Variants in PEAK1 observed in about 807,000 individuals in gnomAD.
PEAK1 encodes the protein pseudopodium enriched atypical kinase 1.
PEAK1 carries 54 observed loss-of-function variants against 124.7 expected under a neutral mutation model. That is an observed-to-expected ratio of 0.43 (90% CI 0.35 to 0.54). The LOEUF is 0.54. PEAK1 is among the 20% of genes least tolerant of loss of function. PEAK1 has a pLI of 0.01. For synonymous variants in PEAK1, 719 were observed against 760.0 expected, an observed-to-expected ratio of 0.95 and a Z score of 0.89; for missense variants, 2,046 against 2,134.5, an observed-to-expected ratio of 0.96 and a Z score of 0.82.
intron 6 of PEAK1, among the ~76,000 whole-genome samples, chr15:77,219,588 G>A (rs908978454): frequency 6.6e-6 from 1 of 152,034 alleles, no homozygotes; most frequent in Non-Finnish European, 1.5e-5. Context: ...TTACTTCCTA[G>A]TAGAGTGTAA....
rs1002115462 is a variant in PEAK1 at position 77,133,747 on chromosome 15, T to G, written c.3335A>C (p.Gln1112Pro). ...GGGAGGTATCATGGCTGCTCTAGATTGCCCTGTATTGTTTTTAAAGCAATA... is the reference window on the plus strand; with the variant it reads ...GGGAGGTATCATGGCTGCTCTAGATGGCCCTGTATTGTTTTTAAAGCAATA... ...PCSATYSNLG[Q>P]SRAAMIPPKQ... Residue 1112 changes from glutamine (Q) to proline (P), a missense_variant, in exon 9 of 10, where the codon CAA (glutamine) becomes CCA (proline). Transcript: ENST00000682557. This position sits in a 1 kb window ranked among gnomAD's most constrained non-coding sequence, Gnocchi z 4.2. The G allele has an allele frequency of 6.4e-7, 1 of 1,560,322 alleles. No individual in the cohort carries two copies. Among genetic ancestry groups the G allele is most frequent in the Admixed American group, 2.1e-5 (1 of 47,312 alleles).
At chr15:77,237,056 C>T (rs1435764127) in intron 6 of PEAK1, among the ~76,000 whole-genome samples, 1 of 152,066 alleles carries the variant, frequency 6.6e-6, no homozygotes, top group Non-Finnish European at 1.5e-5. Context: ...CTGCACCTGG[C>T]TAGAAAATAA....
rs148972472 is a variant in PEAK1 at position 77,296,673 on chromosome 15, T to G, written c.-602-10169A>C. Among the ~76,000 whole-genome samples, 328 of 151,344 alleles carry G rather than the reference T, an allele frequency of 2.2e-3. 5 individuals are homozygous for G. The highest frequency in any genetic ancestry group is 7.8e-3 in the African/African-American group (319 of 40,942). On this transcript the variant is annotated intron_variant, in intron 2 of 9. Coordinates refer to ENST00000682557, the MANE Select transcript of PEAK1 (RefSeq NM_001385026.1). Reference sequence around the variant, plus strand: ...AATTGAAAAAAAAGTAAAATGCAGGTATCTAAATCTGAAAATTGAAATAAA... The same window carrying G: ...AATTGAAAAAAAAGTAAAATGCAGGGATCTAAATCTGAAAATTGAAATAAA...
intron 1 of PEAK1, among the ~76,000 whole-genome samples, chr15:77,405,894 G>C (rs36103772): frequency 0.077 from 11,744 of 152,110 alleles, 563 homozygotes; most frequent in Non-Finnish European, 0.1. Flanking sequence ...AATAATTAAG[G>C]AATTCAGAGG....
At chr15:77,337,588 T>C (rs2066280904) in intron 2 of PEAK1, 35 of 985,334 alleles carry the variant, frequency 3.6e-5, no homozygotes, top group Non-Finnish European at 4.2e-5. Context: ...TAACTTTCAC[T>C]TACCTCAGAG....
At chr15:77,106,819 C>G (rs1446332850), downstream of PEAK1, 1 of 152,126 alleles carries the variant, frequency 6.6e-6, no homozygotes, top group East Asian at 1.9e-4. Context: ...TCCTTCAGAC[C>G]CCCGATAAAC....
chr15:77,170,019 G>A (rs754313625), intron 7 of PEAK1, among the ~76,000 whole-genome samples: 2 of 152,116 alleles, frequency 1.3e-5, no homozygotes, highest in Non-Finnish European at 2.9e-5. Flanking sequence ...AGGGTCATCC[G>A]AATATTTATA....
downstream of PEAK1, chr15:77,105,139 G>A (rs1297913777): frequency 6.6e-6 from 1 of 152,178 alleles, no homozygotes; most frequent in African/African-American, 2.4e-5. Flanking sequence ...GGTGAGCATT[G>A]GGTGGTCCTG....
At chr15:77,162,278 G>A (rs1310698169) in intron 7 of PEAK1, among the ~76,000 whole-genome samples, 4 of 151,980 alleles carry the variant, frequency 2.6e-5, no homozygotes, top group Admixed American at 2.6e-4. Flanking sequence ...TGGATCACCT[G>A]AGGTCAGGGG....
At chr15:77,235,993 T>C (rs1010777873) in intron 6 of PEAK1, among the ~76,000 whole-genome samples, 5 of 152,226 alleles carry the variant, frequency 3.3e-5, no homozygotes, top group African/African-American at 1.2e-4. Context: ...AACCTCTGCC[T>C]AGATTTCAGA....
intron 5 of PEAK1, among the ~76,000 whole-genome samples, chr15:77,281,442 C>G (rs1567207337): frequency 6.6e-6 from 1 of 152,082 alleles, no homozygotes; most frequent in Non-Finnish European, 1.5e-5. Flanking sequence ...TGCAGACTAG[C>G]AATGTATTAT....
intron 6 of PEAK1, among the ~76,000 whole-genome samples, chr15:77,221,133 T>C (rs1284948837): frequency 1.3e-5 from 2 of 152,086 alleles, no homozygotes; most frequent in Non-Finnish European, 2.9e-5. Flanking sequence ...CCACATGCAA[T>C]GTACTCTAGA....
chr15:77,227,603 A>ATACAACC (rs1439085174), intron 6 of PEAK1, among the ~76,000 whole-genome samples: 2 of 152,212 alleles, frequency 1.3e-5, no homozygotes, highest in Non-Finnish European at 2.9e-5. Flanking sequence ...AACACTTTAG[A>ATACAACC]TACAACCATC....
In PEAK1 at chr15:77,330,015, GA is replaced by G. The variant is rs541159230; in HGVS notation, c.-603+35147del. Among the ~76,000 whole-genome samples, 1,280 of 147,998 alleles carry G rather than the reference GA, an allele frequency of 8.6e-3. 20 individuals are homozygous for G. The highest frequency in any genetic ancestry group is 0.03 in the African/African-American group (1,202 of 40,396). The stretch of plus-strand genomic sequence containing the variant: ...AGAAGTGACTACCTAATATTAAAAA[GA>G]AAAAAAAATTCTTAAAATTTTAAAT... On this transcript the variant is annotated intron_variant, in intron 2 of 9. Coordinates refer to ENST00000682557, the MANE Select transcript of PEAK1 (RefSeq NM_001385026.1).
chr15:77,132,305 G>A (rs967312157), intron 9 of PEAK1, among the ~76,000 whole-genome samples: 4 of 151,562 alleles, frequency 2.6e-5, no homozygotes, highest in African/African-American at 2.4e-5. Flanking sequence ...GGCTGGTCTC[G>A]AACTCCTGGG....
In PEAK1 at chr15:77,181,624, G is replaced by A; in HGVS notation, c.303C>T (p.Ile101=). ...IQEHCENKPV[I]IGWNRNRAAL... ...CAGCTCTGTTTCGGTTCCACCCTAT[G>A]ATGACAGGTTTGTTCTCACAGTGTT... The change falls in exon 7 of 10, where the codon ATC becomes ATT. Residue 101 remains isoleucine (I), a synonymous_variant. Transcript: ENST00000682557. 1 of 1,614,006 alleles carries A rather than the reference G, an allele frequency of 6.2e-7. No homozygotes were observed. Among genetic ancestry groups the A allele is most frequent in the East Asian group, 2.2e-5 (1 of 44,894 alleles).
Position 77,384,447 on chromosome 15 carries a change from T to C in PEAK1, c.-665-19222A>G, listed in dbSNP as rs183897407. Among the ~76,000 whole-genome samples, 6 of 152,316 alleles carry C rather than the reference T, an allele frequency of 3.9e-5. No individual in the cohort carries two copies. In the East Asian group the frequency reaches 9.6e-4, roughly 24 times the overall value. On this transcript the variant is annotated intron_variant, in intron 1 of 9. Coordinates refer to ENST00000682557, the MANE Select transcript of PEAK1 (RefSeq NM_001385026.1). ...CCCCTGAATGGTATTGCACTTTCCA[T>C]TTATCATTTTTAAATGTACAAAGAA...
chr15:77,178,696 A>T, intron 7 of PEAK1, 94 bp downstream of exon 7: 1 of 1,249,180 alleles, frequency 8.0e-7, no homozygotes. Context: ...TTACAAACAG[A>T]AATGGTTCTT....
chr15:77,344,181 G>A (rs907726700), intron 2 of PEAK1, among the ~76,000 whole-genome samples: 16 of 152,028 alleles, frequency 1.1e-4, no homozygotes, highest in African/African-American at 3.4e-4. Flanking sequence ...TGCAAGCTCC[G>A]CCTCCCGGGT....
Sources: allele counts gnomAD v4.1 joint callset (sites outside exome capture counted in the v4.1 genomes callset), GRCh38; gene constraint gnomAD v4.1.1; non-coding constraint Gnocchi (gnomAD v3.1); transcripts MANE v1.5; gene names NCBI Gene and HGNC (gene_info 2026-07-23, HGNC 2026-07-21).